Variants in FGD2 observed in about 807,000 individuals in gnomAD.
FGD2 encodes the protein FYVE, RhoGEF and PH domain-containing protein 2.
Under a neutral mutation model 75.9 loss-of-function variants are expected in FGD2, and 52 were observed. The observed-to-expected ratio is 0.69, with a 90% CI of 0.55 to 0.86. FGD2 has a LOEUF of 0.86. FGD2 is among the 40% of genes least tolerant of loss of function. The pLI is 0.00. For missense variants in FGD2, 790 were observed against 872.0 expected, an observed-to-expected ratio of 0.91 and a Z score of 1.18; for synonymous variants, 347 against 348.6, an observed-to-expected ratio of 1.00 and a Z score of 0.05.
chr6:37,027,650 G>A lies in FGD2; in HGVS notation c.1752+75G>A. The A allele has an allele frequency of 3.2e-6, 5 of 1,555,978 alleles. No homozygotes were observed. In the South Asian group the frequency reaches 4.6e-5, roughly 14 times the overall value. On this transcript the variant is annotated intron_variant, in intron 15 of 15. Coordinates refer to ENST00000274963, the MANE Select transcript of FGD2 (RefSeq NM_173558.4). ...CGTGTGTGTGAAGGGGGTCAGGGGT[G>A]AGTATTGCTAGCTCCATATGTCAGA...
At position 37,021,056 on chromosome 6, in the gene FGD2, A is replaced by ATG. The variant is rs201182457; in HGVS notation, c.1233+322_1233+323dup. ...TGTATATGTGTGTTTGTGTGCATGC[A>ATG]TGTGTGCATGTGTTTGTGTGTATGT... is the stretch of plus-strand genomic sequence containing the variant. On this transcript the variant is annotated intron_variant, in intron 11 of 15. Coordinates refer to ENST00000274963, the MANE Select transcript of FGD2 (RefSeq NM_173558.4). Among the ~76,000 whole-genome samples, 1,190 of 150,218 alleles carry ATG rather than the reference A, an allele frequency of 7.9e-3. 18 individuals carry two copies. Among genetic ancestry groups the ATG allele is most frequent in the African/African-American group, 0.028 (1,124 of 40,714 alleles).
intron 2 of FGD2, chr6:37,009,375 C>T: frequency 3.5e-6 from 1 of 287,080 alleles, no homozygotes; most frequent in Non-Finnish European, 6.6e-6. Flanking sequence ...TCTTGTGAAC[C>T]TAATACTCTT....
intron 9 of FGD2, among the ~76,000 whole-genome samples, chr6:37,016,233 AT>A (rs746183542): frequency 3.3e-5 from 5 of 152,144 alleles, no homozygotes; most frequent in Admixed American, 2.6e-4. Flanking sequence ...GAGATCCTGC[AT>A]TTCTAACCAG....
intron 14 of FGD2, chr6:37,026,296 A>G (rs549536370): frequency 4.1e-6 from 4 of 985,348 alleles, no homozygotes; most frequent in East Asian, 2.3e-4. Flanking sequence ...CACCGCTTCC[A>G]TTTTACAGAT....
chr6:37,019,855 C>CTTTTCT (rs1554150712), intron 9 of FGD2, among the ~76,000 whole-genome samples: 9 of 136,232 alleles, frequency 6.6e-5, no homozygotes, highest in Non-Finnish European at 9.3e-5. Context: ...CTTTTCTTTT[C>CTTTTCT]TTTTTTTTTT....
intron 14 of FGD2, chr6:37,026,158 G>A (rs973545398): frequency 2.0e-6 from 2 of 985,280 alleles, no homozygotes; most frequent in African/African-American, 3.5e-5. Flanking sequence ...CCCTTTGGCT[G>A]CAGGCTGTCG....
chr6:37,025,647 C>A (rs1439537186), intron 13 of FGD2, 145 bp from the exon 14 acceptor site: 2 of 818,760 alleles, frequency 2.4e-6, no homozygotes, highest in Non-Finnish European at 1.9e-6. Context: ...GGAGCATCCC[C>A]GCTCTGCCTC....
At chr6:37,020,951 T>C (rs953268533) in intron 11 of FGD2, among the ~76,000 whole-genome samples, 2 of 150,958 alleles carry the variant, frequency 1.3e-5, no homozygotes, top group South Asian at 4.2e-4. Context: ...TGTGTGCATG[T>C]CTGTGTCTGT....
chr6:37,017,368 G>A (rs1765347919), intron 9 of FGD2, among the ~76,000 whole-genome samples: 1 of 152,186 alleles, frequency 6.6e-6, no homozygotes, highest in Non-Finnish European at 1.5e-5. Context: ...GAAAACCAAG[G>A]CCCTAGAAAA....
intron 9 of FGD2, among the ~76,000 whole-genome samples, chr6:37,017,444 G>A (rs887181906): frequency 5.3e-5 from 8 of 152,242 alleles, no homozygotes; most frequent in Admixed American, 1.3e-4. Flanking sequence ...GACCAAGCCA[G>A]GATTCAGATG....
chr6:37,006,638 T>C (rs369381386), intron 1 of FGD2, among the ~76,000 whole-genome samples: 10 of 151,964 alleles, frequency 6.6e-5, no homozygotes, highest in African/African-American at 2.4e-4. Flanking sequence ...ATGTGTGTGT[T>C]GTGTGTTATG....
chr6:37,013,562 G>A lies in FGD2; in HGVS notation c.528-47G>A, dbSNP rs201462692. On this transcript the variant is annotated intron_variant, in intron 4 of 15. Transcript: ENST00000274963. ...GCCTCACCTGGCCCTATCTAGAGTC[G>A]AGAGGAGGTCTCTAGGCTGAGGGCA... 513 of 1,591,304 alleles carry A rather than the reference G, an allele frequency of 3.2e-4. 3 individuals are homozygous for A. In the East Asian group the frequency reaches 7.2e-3, roughly 22 times the overall value.
chr6:37,020,554 T>C lies in FGD2; in HGVS notation c.1136T>C (p.Met379Thr), dbSNP rs1344542441. The C allele has an allele frequency of 6.2e-7, 1 of 1,607,598 alleles. No individual in the cohort carries two copies. Among genetic ancestry groups the C allele is most frequent in the Non-Finnish European group, 8.5e-7 (1 of 1,177,992 alleles). Residue 379 changes from methionine to threonine, a missense_variant, in exon 10 of 16, where the codon ATG becomes ACG. Met to Thr is a moderately conservative substitution (Grantham distance 81). Coordinates refer to ENST00000274963, the MANE Select transcript of FGD2 (RefSeq NM_173558.4). The stretch of plus-strand genomic sequence containing the variant: ...TCCTCTTGGCAGGTGCGGGAGCTGA[T>C]GGATGCTGAGTTTCCCCACTCCTTC... ...DVAGMKVREL[M>T]DAEFPHSFLV...
chr6:37,006,227 G>A (rs889266338), intron 1 of FGD2, among the ~76,000 whole-genome samples: 1 of 152,218 alleles, frequency 6.6e-6, no homozygotes, highest in South Asian at 2.1e-4. Flanking sequence ...TACGCCCTAT[G>A]ATTAGGATAA....
At chr6:37,026,038 G>A in intron 14 of FGD2, 100 bp downstream of exon 14, 2 of 1,509,110 alleles carry the variant, frequency 1.3e-6, no homozygotes, top group Non-Finnish European at 1.8e-6. Context: ...TGAGGAACAA[G>A]CCAGCCATGG....
In FGD2 at chr6:37,025,791, G is replaced by A; in HGVS notation, c.1459-1G>A. On this transcript the variant is annotated splice_acceptor_variant, in intron 13 of 15. Coordinates refer to ENST00000274963, the MANE Select transcript of FGD2 (RefSeq NM_173558.4). LOFTEE classifies it high-confidence loss of function. Reference sequence around the variant, plus strand: ...CATGCCCCCTTATGTGTCCTCCTCAGGTGGTGTGTGCCAGGTGCTCCGACT... The same window carrying A: ...CATGCCCCCTTATGTGTCCTCCTCAAGTGGTGTGTGCCAGGTGCTCCGACT... 1 of 1,614,152 alleles carries A rather than the reference G, an allele frequency of 6.2e-7. No homozygotes were observed. The highest frequency in any genetic ancestry group is 1.3e-5 in the African/African-American group (1 of 75,042).
At chr6:37,025,749 G>T in intron 13 of FGD2, 43 bp from the exon 14 acceptor site, 1 of 1,610,154 alleles carries the variant, frequency 6.2e-7, no homozygotes. Flanking sequence ...CAGCCCTCCG[G>T]TGCCTGGTCT....
At position 37,028,177 on chromosome 6, in the gene FGD2, G is replaced by C; in HGVS notation, c.*14G>C. On this transcript the variant is annotated 3_prime_UTR_variant, in exon 16 of 16. Coordinates refer to ENST00000274963, the MANE Select transcript of FGD2 (RefSeq NM_173558.4). The stretch of plus-strand genomic sequence containing the variant: ...CTGTCCGACTGAGCCACTGCCAGCC[G>C]CTCTCCTGCCCACCTCTCCCCACCC... The C allele has an allele frequency of 6.5e-7, 1 of 1,535,826 alleles. No homozygotes were observed. The highest frequency in any genetic ancestry group is 8.8e-7 in the Non-Finnish European group (1 of 1,139,440).
chr6:37,026,202 T>A, intron 14 of FGD2: 2 of 985,366 alleles, frequency 2.0e-6, no homozygotes, highest in Non-Finnish European at 2.4e-6. Context: ...TATGTCCCCA[T>A]CCGATAGTAC....
Sources: allele counts gnomAD v4.1 joint callset (sites outside exome capture counted in the v4.1 genomes callset), GRCh38; gene constraint gnomAD v4.1.1; transcripts MANE v1.5; gene names NCBI Gene and HGNC (gene_info 2026-07-23, HGNC 2026-07-21).